Variants in MEIS2 observed in about 807,000 individuals in gnomAD.
MEIS2 encodes homeobox protein Meis2.
A neutral mutation model predicts 58.6 loss-of-function variants in MEIS2; 9 were observed. That is an observed-to-expected ratio of 0.15 (90% CI 0.09 to 0.27). MEIS2 has a LOEUF of 0.27. Among genes scored for constraint, MEIS2 ranks in the 10% least tolerant of loss-of-function variants. The pLI is 1.00. For synonymous variants in MEIS2, 221 were observed against 228.4 expected, an observed-to-expected ratio of 0.97 and a Z score of 0.29; for missense variants, 427 against 635.0, an observed-to-expected ratio of 0.67 and a Z score of 3.52.
At chr15:36,928,033 G>A (rs183165841) in intron 9 of MEIS2, among the ~76,000 whole-genome samples, 34 of 152,166 alleles carry the variant, frequency 2.2e-4, no homozygotes, top group African/African-American at 6.3e-4. Flanking sequence ...CCATCATTTA[G>A]AAGCCATGAA....
At chr15:36,912,946 T>C (rs1034938751) in intron 9 of MEIS2, among the ~76,000 whole-genome samples, 2 of 151,768 alleles carry the variant, frequency 1.3e-5, no homozygotes, top group Non-Finnish European at 2.9e-5. Context: ...GGCTTGAAGG[T>C]TTTTAATAGT....
chr15:36,980,354 G>C (rs1432857885), intron 8 of MEIS2, among the ~76,000 whole-genome samples: 7 of 152,088 alleles, frequency 4.6e-5, no homozygotes, highest in African/African-American at 1.7e-4. Flanking sequence ...ACCCAAGACT[G>C]GGCAGTTTAC....
chr15:37,078,878 G>C (rs1891814702), intron 7 of MEIS2, among the ~76,000 whole-genome samples: 1 of 151,814 alleles, frequency 6.6e-6, no homozygotes. Flanking sequence ...AAAAAATCTA[G>C]AAATCCCAAA....
intron 7 of MEIS2, among the ~76,000 whole-genome samples, chr15:37,056,546 G>A (rs1206232306): frequency 1.3e-5 from 2 of 152,302 alleles, no homozygotes; most frequent in Middle Eastern, 3.4e-3. Context: ...CCTGAGCACC[G>A]GCTCGGCAGC....
Position 37,093,449 on chromosome 15 carries a change from GAAGAA to G in MEIS2, c.639+127_639+131del, listed in dbSNP as rs541681592. On this transcript the variant is annotated intron_variant, in intron 6 of 11. Transcript: ENST00000561208. ...GGTATGGCAGAGAAAGCAAGAAAGAGAAGAAAAGACCCCAAAAGAGACGGAGTCAT... is the reference window on the plus strand; with the variant it reads ...GGTATGGCAGAGAAAGCAAGAAAGAGAAGACCCCAAAAGAGACGGAGTCAT... 446 of 1,134,318 alleles carry G rather than the reference GAAGAA, an allele frequency of 3.9e-4. No homozygotes were observed. The African/African-American group carries it at 6.0e-3, about 15-fold the overall frequency. The allele number at this position is 1,134,318 out of a possible 1,614,324, so 70.3% of individuals were successfully genotyped here.
Position 37,095,449 on chromosome 15 carries a change from TA to T in MEIS2, c.438+114del, listed in dbSNP as rs1364713148. 3.1e-5 allele frequency: 47 copies of T among 1,511,622 alleles called. 1 individual carries two copies. The highest frequency in any genetic ancestry group is 4.1e-5 in the Non-Finnish European group (45 of 1,095,170). 93.6% of individuals were successfully genotyped at this position (1,511,622 alleles called of 1,614,324 possible). ...GCTGCTCCCTTCCTCCCTCTCTCCC[TA>T]GAGCTCCAAAAGAGGGTTCTGTTCT... On this transcript the variant is annotated intron_variant, in intron 4 of 11. Coordinates refer to ENST00000561208, the MANE Select transcript of MEIS2 (RefSeq NM_170675.5).
At chr15:37,055,612 A>G (rs1412275718) in intron 7 of MEIS2, among the ~76,000 whole-genome samples, 3 of 152,258 alleles carry the variant, frequency 2.0e-5, no homozygotes, top group East Asian at 3.9e-4. Flanking sequence ...AAGAACGCCA[A>G]CCACAGAGGT....
chr15:37,056,330 T>C (rs1888394992), intron 7 of MEIS2, among the ~76,000 whole-genome samples: 1 of 152,184 alleles, frequency 6.6e-6, no homozygotes. Flanking sequence ...AAAATGGGTG[T>C]GCCTCTGATG....
At chr15:36,922,988 T>C (rs1195999611) in intron 9 of MEIS2, among the ~76,000 whole-genome samples, 1 of 152,166 alleles carries the variant, frequency 6.6e-6, no homozygotes, top group East Asian at 1.9e-4. Context: ...AAGTCTTTAA[T>C]ATAATCTGAA....
intron 10 of MEIS2, among the ~76,000 whole-genome samples, chr15:36,895,675 T>C (rs1239658158): frequency 6.6e-6 from 1 of 152,236 alleles, no homozygotes; most frequent in African/African-American, 2.4e-5. Context: ...CTGAATACAA[T>C]TTCACAAGGT....
intron 9 of MEIS2, among the ~76,000 whole-genome samples, chr15:36,918,711 C>T (rs888819272): frequency 6.6e-6 from 1 of 151,960 alleles, no homozygotes; most frequent in Admixed American, 6.6e-5. Context: ...TTGGGCCCTT[C>T]CTTGAAGGAT....
At chr15:36,937,579 G>A (rs2058222267) in intron 9 of MEIS2, among the ~76,000 whole-genome samples, 1 of 152,110 alleles carries the variant, frequency 6.6e-6, no homozygotes, top group South Asian at 2.1e-4. Flanking sequence ...TTTATAAATT[G>A]CTATGAAAGT....
intron 8 of MEIS2, among the ~76,000 whole-genome samples, chr15:36,984,127 C>A (rs553574472): frequency 6.6e-6 from 1 of 151,940 alleles, no homozygotes; most frequent in Admixed American, 6.6e-5. Context: ...TGATTTGAAT[C>A]TCTTTTATTT....
At chr15:37,087,079 C>T (rs901074073) in intron 6 of MEIS2, among the ~76,000 whole-genome samples, 6 of 152,046 alleles carry the variant, frequency 3.9e-5, no homozygotes, top group Admixed American at 3.9e-4. Context: ...CATACAAAAG[C>T]ATGTAAAAAC....
At chr15:37,058,505 T>C (rs1288268788) in intron 7 of MEIS2, among the ~76,000 whole-genome samples, 2 of 152,288 alleles carry the variant, frequency 1.3e-5, no homozygotes, top group East Asian at 3.9e-4. Flanking sequence ...ACAGCATTCC[T>C]TCCTAGGTCA....
intron 8 of MEIS2, among the ~76,000 whole-genome samples, chr15:36,992,791 G>C (rs529017469): frequency 6.6e-6 from 1 of 151,798 alleles, no homozygotes; most frequent in Non-Finnish European, 1.5e-5. Context: ...TGAGGAAGAG[G>C]GGGAGAGAAG....
At chr15:36,920,955 C>T (rs1057264902) in intron 9 of MEIS2, among the ~76,000 whole-genome samples, 9 of 151,934 alleles carry the variant, frequency 5.9e-5, no homozygotes, top group African/African-American at 1.7e-4. Context: ...TTGGTAAAAG[C>T]ACACCCCAAA....
At chr15:36,989,493 G>C (rs1916306) in intron 8 of MEIS2, among the ~76,000 whole-genome samples, 16,851 of 152,132 alleles carry the variant, frequency 0.11, 1,626 homozygotes, top group Admixed American at 0.33. Context: ...TTGCATACTC[G>C]TGTGGACTTC....
At chr15:37,064,196 C>A (rs971466052) in intron 7 of MEIS2, among the ~76,000 whole-genome samples, 1 of 152,052 alleles carries the variant, frequency 6.6e-6, no homozygotes, top group Non-Finnish European at 1.5e-5. Context: ...ATTTGTGTCT[C>A]CATACAATAT....
Sources: allele counts gnomAD v4.1 joint callset (sites outside exome capture counted in the v4.1 genomes callset), GRCh38; gene constraint gnomAD v4.1.1; transcripts MANE v1.5; gene names NCBI Gene and HGNC (gene_info 2026-07-23, HGNC 2026-07-21).